ITSN2: variants seen among roughly 807,000 people sequenced by gnomAD.
The protein encoded by ITSN2 is intersectin-2.
A neutral mutation model predicts 243.7 loss-of-function variants in ITSN2; 156 were observed. That is an observed-to-expected ratio of 0.64 (90% confidence interval 0.56 to 0.73). The LOEUF (loss-of-function observed/expected upper bound fraction) is 0.73, where lower values mean the gene tolerates loss of function less well. Among genes scored for constraint, ITSN2 ranks in the 30% least tolerant of loss-of-function variants. The probability of loss-of-function intolerance (pLI) is 0.00; values close to 1 mark genes in which losing one functional copy is unlikely to be tolerated. For synonymous variants in ITSN2, 703 were observed against 699.9 expected (o/e 1.00, Z -0.07); for missense variants, 1,801 against 1,996.1 (o/e 0.90, Z 1.86).
intron 9 of ITSN2, among the ~76,000 whole-genome samples, chr2:24,302,688 A>G (rs932857938): frequency 3.9e-5 from 6 of 152,230 alleles, no homozygotes; most frequent in African/African-American, 1.4e-4. Context: ...ACTTTGAAAC[A>G]GAAAGAGAAG....
At chr2:24,314,396 G>A (rs773836115) in intron 3 of ITSN2, among the ~76,000 whole-genome samples, 4 of 152,082 alleles carry the variant, frequency 2.6e-5, no homozygotes, top group Non-Finnish European at 5.9e-5. Flanking sequence ...AGCCCAAATG[G>A]TTTCAAAGCC....
chr2:24,203,674 G>C lies in ITSN2; in HGVS notation c.5046C>G (p.Val1682=). The change falls in exon 40 of 40, where the codon GTC becomes GTG. Residue 1682 remains valine (V), a synonymous_variant. Coordinates refer to ENST00000355123, the MANE Select transcript of ITSN2 (RefSeq NM_006277.3). ...AAAGCTGCAGGTCAAAACGGACCCA[G>C]ACCTCCCCGGTGGGGACCTCATGCA... ...LLLHEVPTGE[V]WVRFDLQLFE... is the part of the protein sequence containing the mutation. 1 of 1,614,158 alleles carries C rather than the reference G, an allele frequency of 6.2e-7. No individual in the cohort carries two copies. The highest frequency in any genetic ancestry group is 8.5e-7 in the Non-Finnish European group (1 of 1,180,034).
intron 29 of ITSN2, among the ~76,000 whole-genome samples, chr2:24,244,077 A>G (rs1282629512): frequency 1.3e-5 from 2 of 152,236 alleles, no homozygotes; most frequent in Non-Finnish European, 2.9e-5. Context: ...TAGCAGACGA[A>G]GCATTTTCTG....
At chr2:24,243,468 T>C (rs1404901033) in intron 29 of ITSN2, among the ~76,000 whole-genome samples, 1 of 89,554 alleles carries the variant, frequency 1.1e-5, no homozygotes, top group East Asian at 4.9e-4. Context: ...GATTATTCTT[T>C]TTCTTCTTAT....
At chr2:24,356,103 G>A (rs1688419543) in intron 1 of ITSN2, among the ~76,000 whole-genome samples, 1 of 152,068 alleles carries the variant, frequency 6.6e-6, no homozygotes, top group African/African-American at 2.4e-5. Flanking sequence ...AGGAGGCTGA[G>A]GCAGGAGAAT....
rs749319938 is a variant in ITSN2 at position 24,216,110 on chromosome 2, T to C, written c.3929A>G (p.Asn1310Ser). Reference sequence around the variant, plus strand: ...CTTCTGCTGTAACAGAGCTGCTCCATTAAGCTGGCAGCTGCAGAACCTGAT... The same window carrying C: ...CTTCTGCTGTAACAGAGCTGCTCCACTAAGCTGGCAGCTGCAGAACCTGAT... ...AYIRFCSCQL[N>S]GAALLQQKTD... The change falls in exon 32 of 40, where the codon AAT becomes AGT. Residue 1310 changes from asparagine to serine, a missense_variant. Asn to Ser is a conservative substitution (Grantham distance 46, BLOSUM62 1). Transcript: ENST00000355123. 1.9e-6 allele frequency: 3 copies of C among 1,613,308 alleles called. No homozygotes were observed. Among genetic ancestry groups the C allele is most frequent in the Admixed American group, 3.3e-5 (2 of 59,956 alleles).
intron 1 of ITSN2, among the ~76,000 whole-genome samples, chr2:24,359,236 G>A (rs1030393622): frequency 7.2e-5 from 11 of 152,302 alleles, no homozygotes; most frequent in Admixed American, 2.0e-4. Flanking sequence ...ACCAGCACAG[G>A]GAGAGAGGCA....
chr2:24,304,630 T>G (rs570984886), intron 8 of ITSN2, among the ~76,000 whole-genome samples: 1 of 152,288 alleles, frequency 6.6e-6, no homozygotes, highest in Admixed American at 6.5e-5. Flanking sequence ...AGGAAGATTC[T>G]TCTAAATAAG....
chr2:24,263,741 C>CT (rs1423677815), intron 20 of ITSN2, among the ~76,000 whole-genome samples: 1 of 152,134 alleles, frequency 6.6e-6, no homozygotes, highest in African/African-American at 2.4e-5. Context: ...ACAGTTTGTT[C>CT]TTTTTTTATT....
intron 29 of ITSN2, among the ~76,000 whole-genome samples, chr2:24,226,208 G>A (rs1671014574): frequency 6.6e-6 from 1 of 152,160 alleles, no homozygotes; most frequent in Admixed American, 6.5e-5. Context: ...TCCTAGGCCT[G>A]TTTGTGCCCA....
At chr2:24,212,031 G>A (rs902144979) in intron 33 of ITSN2, among the ~76,000 whole-genome samples, 2 of 152,170 alleles carry the variant, frequency 1.3e-5, no homozygotes, top group African/African-American at 2.4e-5. Flanking sequence ...GTAAGTTACT[G>A]TAATCAATGG....
At chr2:24,330,707 G>A (rs1315168005) in intron 1 of ITSN2, 9 of 660,622 alleles carry the variant, frequency 1.4e-5, no homozygotes, top group South Asian at 4.3e-5. Flanking sequence ...GTGTACTTCT[G>A]GTGACAGTAG....
chr2:24,203,360 A>G lies in ITSN2; in HGVS notation c.*266T>C, dbSNP rs1222643173. On this transcript the variant is annotated 3_prime_UTR_variant, in exon 40 of 40. Coordinates refer to ENST00000355123, the MANE Select transcript of ITSN2 (RefSeq NM_006277.3). ...AAGTAATACTTTTTATAGCCCTGAA[A>G]ATGGAAACCTTGGCATCTAAACAAA... The G allele has an allele frequency of 1.5e-5, 5 of 331,706 alleles. No individual in the cohort carries two copies. Among genetic ancestry groups the G allele is most frequent in the Non-Finnish European group, 2.2e-5 (4 of 181,496 alleles). The allele number at this position is 331,706 out of a possible 1,614,324, so 20.5% of individuals were successfully genotyped here.
intron 4 of ITSN2, among the ~76,000 whole-genome samples, chr2:24,312,668 C>T (rs766205673): frequency 1.6e-4 from 25 of 152,162 alleles, no homozygotes; most frequent in South Asian, 6.2e-4. Flanking sequence ...GATTATAATA[C>T]TTCTAAATTT....
At chr2:24,304,159 G>C (rs1682176499) in intron 8 of ITSN2, among the ~76,000 whole-genome samples, 3 of 152,204 alleles carry the variant, frequency 2.0e-5, no homozygotes, top group Non-Finnish European at 4.4e-5. Context: ...GGCACACAGA[G>C]TATCAGAGGC....
intron 30 of ITSN2, chr2:24,220,615 C>T: frequency 1.7e-6 from 2 of 1,188,388 alleles, no homozygotes; most frequent in Admixed American, 9.3e-5. Flanking sequence ...GCCATAGGCC[C>T]TTCCCATCCA....
intron 1 of ITSN2, chr2:24,330,478 T>C: frequency 1.5e-6 from 1 of 666,560 alleles, no homozygotes; most frequent in Non-Finnish European, 2.8e-6. Flanking sequence ...AGAAGACCCA[T>C]GAGGTTGTCT....
chr2:24,324,103 G>C lies in ITSN2; in HGVS notation c.31+3949C>G, dbSNP rs533573333. Among the ~76,000 whole-genome samples the C allele has an allele frequency of 2.8e-4, 42 of 152,272 alleles. No individual in the cohort carries two copies. In the East Asian group the frequency reaches 7.3e-3, roughly 27 times the overall value. On this transcript the variant is annotated intron_variant, in intron 2 of 39. Coordinates refer to ENST00000355123, the MANE Select transcript of ITSN2 (RefSeq NM_006277.3). ...AAAACTTAGCTAGGCGTGGTGGTGA[G>C]CGCCTGTAGTCCCAGCTACTCGGGA...
At chr2:24,292,524 A>G (rs1004679121) in intron 15 of ITSN2, among the ~76,000 whole-genome samples, 1 of 152,186 alleles carries the variant, frequency 6.6e-6, no homozygotes, top group Non-Finnish European at 1.5e-5. Flanking sequence ...ACACAATAAA[A>G]ATAGTTCACA....
Sources: gnomAD v4.1 joint callset for allele counts (sites outside exome capture counted in the v4.1 genomes callset) on GRCh38, gnomAD v4.1.1 for gene constraint, MANE v1.5 for transcripts, NCBI Gene and HGNC (gene_info 2026-07-23, HGNC 2026-07-21) for gene names.